ZNF609: variants seen among roughly 807,000 people sequenced by gnomAD.
The protein encoded by ZNF609 is zinc finger protein 609.
ZNF609 carries 11 observed loss-of-function variants against 109.5 expected under a neutral mutation model. The observed-to-expected ratio is 0.10, with a 90% CI of 0.06 to 0.17. The LOEUF (loss-of-function observed/expected upper bound fraction) is 0.17. Among genes scored for constraint, ZNF609 ranks in the 10% least tolerant of loss-of-function variants. The probability of loss-of-function intolerance (pLI) is 1.00; values close to 1 mark genes in which losing one functional copy is unlikely to be tolerated. For missense variants in ZNF609, 1,559 were observed against 1,772.4 expected (o/e 0.88, Z 2.16); for synonymous variants, 646 against 662.0 (o/e 0.98, Z 0.37).
chr15:64,551,694 A>G (rs1298315385), intron 2 of ZNF609, among the ~76,000 whole-genome samples: 1 of 148,960 alleles, frequency 6.7e-6, no homozygotes. Context: ...GTCTCAGGGA[A>G]GGGATGACCA....
chr15:64,500,778 C>G (rs897925700), intron 2 of ZNF609: 1 of 220,364 alleles, frequency 4.5e-6, no homozygotes, highest in East Asian at 1.1e-4. Flanking sequence ...GTGGTTATGA[C>G]AGTTTGGCCT....
At position 64,674,586 on chromosome 15, in the gene ZNF609, TCTC is replaced by T. The variant is rs759677091; in HGVS notation, c.1735_1737del (p.Pro579del). 5.0e-6 allele frequency: 8 copies of T among 1,613,908 alleles called. No individual in the cohort carries two copies. The South Asian group carries it at 7.7e-5, about 16-fold the overall frequency. ...TCGACTTGTAGAGCCCCATAGCCCT[TCTC>T]CTTCAAGCAAATTCAGCACAAAAGG... On this transcript the variant is annotated inframe_deletion, in exon 5 of 10. Transcript: ENST00000326648.
intron 1 of ZNF609, among the ~76,000 whole-genome samples, chr15:64,466,378 G>A (rs996705618): frequency 1.3e-4 from 20 of 152,150 alleles, no homozygotes; most frequent in Non-Finnish European, 4.4e-5. Flanking sequence ...AACAGGTTGT[G>A]TGCCCCTTCT....
intron 2 of ZNF609, among the ~76,000 whole-genome samples, chr15:64,602,192 A>C (rs1895508428): frequency 6.6e-6 from 1 of 152,106 alleles, no homozygotes; most frequent in Non-Finnish European, 1.5e-5. Context: ...CTTCTTGCTA[A>C]GTTTATTTAA....
chr15:64,615,296 C>T (rs1419933996), intron 2 of ZNF609, among the ~76,000 whole-genome samples: 1 of 151,990 alleles, frequency 6.6e-6, no homozygotes, highest in South Asian at 2.1e-4. Context: ...GTACACACCA[C>T]CATGCCTGGC....
At chr15:64,485,372 T>C (rs1001640467) in intron 1 of ZNF609, among the ~76,000 whole-genome samples, 10 of 152,250 alleles carry the variant, frequency 6.6e-5, no homozygotes, top group African/African-American at 2.4e-4. Context: ...ATGATTGGGC[T>C]ACTCTTATAA....
chr15:64,528,768 G>A, intron 2 of ZNF609: 4 of 876,880 alleles, frequency 4.6e-6, no homozygotes, highest in Non-Finnish European at 1.9e-6. Context: ...TGGTCCTTGA[G>A]GACAATGGCT....
At chr15:64,524,135 A>G (rs72741387) in intron 2 of ZNF609, among the ~76,000 whole-genome samples, 7,311 of 151,666 alleles carry the variant, frequency 0.048, 235 homozygotes, top group South Asian at 0.086. Flanking sequence ...CCATCACATC[A>G]CTAATTCCAG....
At chr15:64,678,524 G>A (rs1458187439) in intron 6 of ZNF609, 42 bp downstream of exon 6, 6 of 1,520,226 alleles carry the variant, frequency 3.9e-6, no homozygotes, top group Admixed American at 2.2e-5. Flanking sequence ...CACTGGAAGG[G>A]GGAATGAAGC....
intron 7 of ZNF609, 104 bp from the exon 8 acceptor site, chr15:64,680,542 G>A (rs955357398): frequency 4.7e-6 from 6 of 1,276,134 alleles, no homozygotes; most frequent in African/African-American, 1.5e-5. Context: ...GTCATAAGGT[G>A]GCACCCTGGG....
chr15:64,487,454 G>A (rs746458535), intron 1 of ZNF609, among the ~76,000 whole-genome samples: 1 of 152,112 alleles, frequency 6.6e-6, no homozygotes, highest in Non-Finnish European at 1.5e-5. Context: ...GTTTTTCCAT[G>A]TGTATACAGA....
intron 3 of ZNF609, among the ~76,000 whole-genome samples, chr15:64,637,435 T>A (rs1277368653): frequency 6.6e-6 from 1 of 152,224 alleles, no homozygotes; most frequent in African/African-American, 2.4e-5. Flanking sequence ...ATAAGGTATG[T>A]GTATGATCAA....
At chr15:64,510,019 C>A (rs1270990724) in intron 2 of ZNF609, among the ~76,000 whole-genome samples, 1 of 152,088 alleles carries the variant, frequency 6.6e-6, no homozygotes, top group Non-Finnish European at 1.5e-5. Context: ...ATGGAAAATT[C>A]CAGAGATAAA....
chr15:64,577,557 A>G (rs111921459), intron 2 of ZNF609, among the ~76,000 whole-genome samples: 11 of 17,574 alleles, frequency 6.3e-4, no homozygotes, highest in Non-Finnish European at 1.3e-3. Context: ...ATATATATAC[A>G]CATATAAATA....
At position 64,675,231 on chromosome 15, in the gene ZNF609, G is replaced by A. The variant is rs1430019780; in HGVS notation, c.2377G>A (p.Asp793Asn). 17 of 1,613,984 alleles carry A rather than the reference G, an allele frequency of 1.1e-5. No individual in the cohort carries two copies. The highest frequency in any genetic ancestry group is 3.3e-5 in the South Asian group (3 of 91,076). Residue 793 changes from aspartate (D) to asparagine (N), a missense_variant, in exon 5 of 10, where the codon GAC becomes AAC. By Grantham distance (23) the Asp-to-Asn change is conservative. This residue lies in a region of ZNF609 where 1,204 missense variants were observed against 1,314.1 expected (regional missense o/e 0.92). Transcript: ENST00000326648. The part of the protein sequence containing the change: ...SRLASIKAEA[D>N]KIYSFTDNAP... ...ACTGGCTAGCATCAAGGCTGAAGCC[G>A]ACAAGATCTACAGTTTCACGGACAA... is the stretch of plus-strand genomic sequence containing the variant.
chr15:64,680,926 GT>G lies in ZNF609; in HGVS notation c.4162+65del, dbSNP rs1896876447. 7 of 1,574,398 alleles carry G rather than the reference GT, an allele frequency of 4.4e-6. No individual in the cohort carries two copies. The South Asian group carries it at 7.8e-5, about 18-fold the overall frequency. ...TTTTGTTTTGTTTATCTTCATCCCAGTAGTAATGTCCACAGCTAGGACCCTC... is the reference window on the plus strand; with the variant it reads ...TTTTGTTTTGTTTATCTTCATCCCAGAGTAATGTCCACAGCTAGGACCCTC... On this transcript the variant is annotated intron_variant, in intron 8 of 9. Coordinates refer to ENST00000326648, the MANE Select transcript of ZNF609 (RefSeq NM_015042.2).
upstream of ZNF609, among the ~76,000 whole-genome samples, chr15:64,460,344 A>G (rs1892917813): frequency 6.6e-6 from 1 of 152,070 alleles, no homozygotes; most frequent in Non-Finnish European, 1.5e-5. Context: ...TCTCTAATCC[A>G]GGTTTCTTTG....
At chr15:64,590,228 G>A (rs998415236) in intron 2 of ZNF609, among the ~76,000 whole-genome samples, 11 of 152,104 alleles carry the variant, frequency 7.2e-5, no homozygotes, top group African/African-American at 2.7e-4. Flanking sequence ...AAGTTTTTGG[G>A]TCGGAACTAT....
chr15:64,508,909 G>A (rs1893677611), intron 2 of ZNF609, among the ~76,000 whole-genome samples: 1 of 151,962 alleles, frequency 6.6e-6, no homozygotes, highest in African/African-American at 2.4e-5. Flanking sequence ...GTTCAGGCTA[G>A]TCTTGAACTC....
Sources: allele counts gnomAD v4.1 joint callset (sites outside exome capture counted in the v4.1 genomes callset), GRCh38; gene constraint gnomAD v4.1.1; regional missense constraint gnomAD v4.1.1; transcripts MANE v1.5; gene names NCBI Gene and HGNC (gene_info 2026-07-23, HGNC 2026-07-21).